ANK2: variants seen among roughly 807,000 people sequenced by gnomAD.
ANK2 encodes ankyrin 2, also known as ankyrin-2.
ANK2 carries 83 observed loss-of-function variants against 360.5 expected under a neutral mutation model. The ratio of observed to expected loss-of-function variants is 0.23; its 90% CI spans 0.19 to 0.28. The LOEUF is 0.28. Ranked by LOEUF, ANK2 falls within the 10% of genes least tolerant of loss-of-function variation. The pLI is 1.00. For synonymous variants in ANK2, 1,740 were observed against 1,759.5 expected, an observed-to-expected ratio of 0.99 and a Z score of 0.28; for missense variants, 4,201 against 4,795.7, an observed-to-expected ratio of 0.88 and a Z score of 3.66.
At chr4:112,892,605 G>A (rs1307476373) in intron 1 of ANK2, among the ~76,000 whole-genome samples, 1 of 152,164 alleles carries the variant, frequency 6.6e-6, no homozygotes, top group Non-Finnish European at 1.5e-5. Context: ...CAAAGATATG[G>A]ACTTGCTATG....
chr4:113,038,136 T>C (rs1362556032), intron 2 of ANK2, among the ~76,000 whole-genome samples: 3 of 151,928 alleles, frequency 2.0e-5, no homozygotes, highest in Non-Finnish European at 4.4e-5. Flanking sequence ...CGAGGTCATA[T>C]AGATGTTACG....
At chr4:113,272,206 G>C (rs1225219867) in intron 14 of ANK2, among the ~76,000 whole-genome samples, 1 of 152,182 alleles carries the variant, frequency 6.6e-6, no homozygotes, top group Non-Finnish European at 1.5e-5. Flanking sequence ...AGGAGCTGGG[G>C]CTCAGCAAGT....
intron 2 of ANK2, among the ~76,000 whole-genome samples, chr4:112,996,884 C>G (rs2048718849): frequency 6.6e-6 from 1 of 152,016 alleles, no homozygotes; most frequent in African/African-American, 2.4e-5. Context: ...GTCTCTACCT[C>G]CCCGATCCCC....
Position 113,353,981 on chromosome 4 carries a change from C to T in ANK2, c.5363C>T (p.Pro1788Leu). The change falls in exon 38 of 46, where the codon CCC (proline) becomes CTC (leucine). Residue 1788 changes from proline (P) to leucine (L), a missense_variant. By Grantham distance (98) the Pro-to-Leu change is moderately conservative. Coordinates refer to ENST00000357077, the MANE Select transcript of ANK2 (RefSeq NM_001148.6). ...EDEQKGRSKL[P>L]IRVKGKEDVP... is the part of the protein sequence containing the mutation. ...GAACAGAAAGGTCGAAGCAAGTTGCCCATCAGAGTCAAAGGCAAGGAGGAC... is the reference window on the plus strand; with the variant it reads ...GAACAGAAAGGTCGAAGCAAGTTGCTCATCAGAGTCAAAGGCAAGGAGGAC... 6.2e-7 allele frequency: 1 copy of T among 1,613,954 alleles called. No individual in the cohort carries two copies. Among genetic ancestry groups the T allele is most frequent in the East Asian group, 2.2e-5 (1 of 44,878 alleles).
At chr4:112,747,102 A>C in the ANK2 span, among the ~76,000 whole-genome samples, 1 of 152,238 alleles carries the variant, frequency 6.6e-6, no homozygotes, top group African/African-American at 2.4e-5. Context: ...CTTAAGGTTG[A>C]GGAATTCCTA....
Position 113,200,729 on chromosome 4 carries a change from T to A in ANK2, c.384+1620T>A, listed in dbSNP as rs998153017. On this transcript the variant is annotated intron_variant, in intron 4 of 45. Coordinates refer to ENST00000357077, the MANE Select transcript of ANK2 (RefSeq NM_001148.6). ...ACATTTTCTTTATCCCGTCAACCAT[T>A]GATGAACACTTAGGTTGATTCCATG... 8.5e-5 allele frequency among the ~76,000 whole-genome samples: 13 copies of A among 152,200 alleles called. No homozygotes were observed. In the South Asian group the frequency reaches 1.0e-3, roughly 12 times the overall value.
chr4:113,041,207 A>C lies in ANK2; in HGVS notation c.22-133209A>C, dbSNP rs143457314. On this transcript the variant is annotated intron_variant, in intron 2 of 30. Transcript: ENST00000503271. ...ATCATTTCACTTATTTCTTTAAACC[A>C]TTAAATGGCTTTGATGGCTTTTAGG... is the stretch of plus-strand genomic sequence containing the variant. Among the ~76,000 whole-genome samples, 469 of 152,218 alleles carry C rather than the reference A, an allele frequency of 3.1e-3. 6 individuals are homozygous for C. The highest frequency in any genetic ancestry group is 0.011 in the African/African-American group (450 of 41,558).
the ANK2 span, among the ~76,000 whole-genome samples, chr4:112,801,437 G>A: frequency 1.3e-5 from 2 of 152,134 alleles, no homozygotes; most frequent in Non-Finnish European, 1.5e-5. Flanking sequence ...ATAATACAAA[G>A]GTGAACTGAT....
chr4:113,369,639 C>T lies in ANK2; in HGVS notation c.11444C>T (p.Pro3815Leu), dbSNP rs1311380584. ...AEEEKLYLQT[P>L]TSSERGGSPI... Reference sequence around the variant, plus strand: ...GAGGAGAAGCTGTACCTCCAGACCCCAACATCCAGCGAGCGGGGAGGCTCT... The same window carrying T: ...GAGGAGAAGCTGTACCTCCAGACCCTAACATCCAGCGAGCGGGGAGGCTCT... Residue 3815 changes from proline to leucine, a missense_variant, in exon 43 of 46, where the codon CCA becomes CTA. Physicochemically the swap from Pro to Leu is moderately conservative, Grantham distance 98 (BLOSUM62 -3). This residue lies in a region of ANK2 where 2,642 missense variants were observed against 2,714.5 expected (regional missense o/e 0.97). Coordinates refer to ENST00000357077, the MANE Select transcript of ANK2 (RefSeq NM_001148.6). 1 of 1,614,106 alleles carries T rather than the reference C, an allele frequency of 6.2e-7. No homozygotes were observed. Among genetic ancestry groups the T allele is most frequent in the South Asian group, 1.1e-5 (1 of 91,072 alleles).
chr4:112,877,960 G>A (rs1434955926), intron 1 of ANK2, among the ~76,000 whole-genome samples: 1 of 152,100 alleles, frequency 6.6e-6, no homozygotes, highest in East Asian at 1.9e-4. Context: ...AAAATTACTT[G>A]TTGAATGAAT....
At chr4:113,166,720 T>C (rs1384704975) in intron 1 of ANK2, among the ~76,000 whole-genome samples, 2 of 151,518 alleles carry the variant, frequency 1.3e-5, no homozygotes, top group Non-Finnish European at 2.9e-5. Context: ...TATTCAGAAC[T>C]TTTTAATGTA....
intron 23 of ANK2, among the ~76,000 whole-genome samples, chr4:113,310,300 A>G (rs1361246577): frequency 6.6e-6 from 1 of 152,210 alleles, no homozygotes; most frequent in African/African-American, 2.4e-5. Context: ...GAAATGCAAA[A>G]GCAAACAGAC....
intron 4 of ANK2, among the ~76,000 whole-genome samples, chr4:113,215,931 A>G (rs2099080563): frequency 1.3e-5 from 2 of 152,284 alleles, no homozygotes; most frequent in South Asian, 2.1e-4. Context: ...TTTATACACA[A>G]CTTAATAAGG....
chr4:113,350,513 A>T, intron 37 of ANK2: 1 of 386,462 alleles, frequency 2.6e-6, no homozygotes. Flanking sequence ...TAACCCTGGT[A>T]TTGCTGTTAT....
chr4:113,194,847 TC>T (rs2098725117), intron 2 of ANK2, among the ~76,000 whole-genome samples: 3 of 152,272 alleles, frequency 2.0e-5, no homozygotes, highest in Admixed American at 2.0e-4. Context: ...CAATGACTTA[TC>T]AATAGTATCC....
At chr4:113,287,808 C>A in intron 19 of ANK2, 105 bp downstream of exon 19, 1 of 903,354 alleles carries the variant, frequency 1.1e-6, no homozygotes, top group South Asian at 1.4e-5. Flanking sequence ...CCTCAAGAGT[C>A]CATTCTGAAA....
chr4:113,144,217 A>G (rs1373689791), intron 1 of ANK2, among the ~76,000 whole-genome samples: 2 of 152,148 alleles, frequency 1.3e-5, no homozygotes, highest in Non-Finnish European at 2.9e-5. Context: ...GATTGTAAGG[A>G]TAGGAACTTT....
chr4:113,217,788 T>G (rs1293856146), intron 4 of ANK2, among the ~76,000 whole-genome samples: 1 of 152,208 alleles, frequency 6.6e-6, no homozygotes, highest in Non-Finnish European at 1.5e-5. Context: ...ATGGGGACAC[T>G]AAGTCTCGGT....
At chr4:112,706,018 G>A in the ANK2 span, among the ~76,000 whole-genome samples, 1 of 151,332 alleles carries the variant, frequency 6.6e-6, no homozygotes, top group South Asian at 2.1e-4. Context: ...GAGCCGGGGC[G>A]GGTCCGCGGG....
Sources: gnomAD v4.1 joint callset for allele counts (sites outside exome capture counted in the v4.1 genomes callset) on GRCh38, gnomAD v4.1.1 for gene constraint, gnomAD v4.1.1 regional missense constraint, MANE v1.5 for transcripts, NCBI Gene and HGNC (gene_info 2026-07-23, HGNC 2026-07-21) for gene names.